The following USP42 variants were observed in gnomAD, a reference collection of about 807,000 sequenced individuals.
USP42 encodes the protein ubiquitin specific peptidase 42.
USP42 carries 23 observed loss-of-function variants against 113.0 expected under a neutral mutation model. That is an observed-to-expected ratio of 0.20 (90% CI 0.15 to 0.29). The LOEUF is 0.29. USP42 is among the 10% of genes least tolerant of loss of function. The pLI, the probability that USP42 is intolerant of heterozygous loss-of-function variation, is 1.00. For synonymous variants in USP42, 933 were observed against 699.0 expected (o/e 1.33, Z -5.28); for missense variants, 2,174 against 1,779.8 (o/e 1.22, Z -3.99).
intron 3 of USP42, among the ~76,000 whole-genome samples, chr7:6,121,626 C>T (rs538717420): frequency 2.0e-5 from 3 of 152,256 alleles, no homozygotes; most frequent in African/African-American, 7.2e-5. Context: ...CTGGACCTTG[C>T]AGTTTCTCAT....
At chr7:6,137,172 G>C (rs1281215969) in intron 4 of USP42, among the ~76,000 whole-genome samples, 4 of 152,168 alleles carry the variant, frequency 2.6e-5, no homozygotes, top group African/African-American at 9.7e-5. Context: ...ATAGGGATGT[G>C]TAATTATACA....
At chr7:6,121,778 C>T (rs1407535079) in intron 3 of USP42, among the ~76,000 whole-genome samples, 3 of 152,206 alleles carry the variant, frequency 2.0e-5, no homozygotes, top group Non-Finnish European at 4.4e-5. Context: ...AGTGCTCCCA[C>T]CTCAGCTTCC....
chr7:6,153,520 C>T (rs1249025771), intron 14 of USP42, among the ~76,000 whole-genome samples: 2 of 151,982 alleles, frequency 1.3e-5, no homozygotes, highest in Non-Finnish European at 2.9e-5. Context: ...TTTAAAGAGA[C>T]GAAATAGCTG....
At chr7:6,132,078 G>A (rs1360567642) in intron 3 of USP42, among the ~76,000 whole-genome samples, 1 of 152,082 alleles carries the variant, frequency 6.6e-6, no homozygotes, top group Non-Finnish European at 1.5e-5. Context: ...GACTACAGGC[G>A]TTCACCACCA....
At chr7:6,105,294 C>G (rs1176462841) in intron 1 of USP42, among the ~76,000 whole-genome samples, 1 of 146,924 alleles carries the variant, frequency 6.8e-6, no homozygotes, top group Non-Finnish European at 1.5e-5. Flanking sequence ...CCGGGGTAGC[C>G]GGGCTGCGCG....
intron 2 of USP42, among the ~76,000 whole-genome samples, chr7:6,114,485 C>A (rs1401345385): frequency 1.3e-5 from 2 of 151,512 alleles, no homozygotes; most frequent in Admixed American, 6.6e-5. Flanking sequence ...TCCAATACTT[C>A]ATCTTTCACT....
chr7:6,113,242 C>A (rs187264236), intron 2 of USP42, among the ~76,000 whole-genome samples: 2 of 152,138 alleles, frequency 1.3e-5, no homozygotes, highest in South Asian at 2.1e-4. Context: ...TGCAGTTTGG[C>A]TTGCTGAAGG....
In USP42 at chr7:6,154,553, C is replaced by G; in HGVS notation, c.2999C>G (p.Pro1000Arg). The change falls in exon 15 of 18, where the codon CCC becomes CGC. Residue 1000 changes from proline to arginine, a missense_variant. Coordinates refer to ENST00000306177, the MANE Select transcript of USP42 (RefSeq NM_032172.3). The stretch of plus-strand genomic sequence containing the variant: ...GACCGCCACGCCCCGGAGCACCACC[C>G]CGGCCACGGCGACAGGCTCAGCCCT... ...RQDRHAPEHH[P>R]GHGDRLSPGE... 1.3e-6 allele frequency: 2 copies of G among 1,548,322 alleles called. No homozygotes were observed. Among genetic ancestry groups the G allele is most frequent in the East Asian group, 4.9e-5 (2 of 40,906 alleles).
chr7:6,143,965 C>T (rs943194760), intron 8 of USP42, 120 bp from the exon 9 acceptor site: 2 of 555,122 alleles, frequency 3.6e-6, no homozygotes, highest in Non-Finnish European at 3.0e-6. Context: ...GGTTCTCATC[C>T]AGTGTCCTTT....
chr7:6,096,824 C>G, the USP42 span, among the ~76,000 whole-genome samples: 1 of 151,338 alleles, frequency 6.6e-6, no homozygotes, highest in African/African-American at 2.5e-5. Context: ...ATCTGCTACT[C>G]TGGCTTGCTG....
chr7:6,150,645 T>C, intron 14 of USP42, 139 bp downstream of exon 14: 2 of 820,798 alleles, frequency 2.4e-6, no homozygotes, highest in South Asian at 1.8e-5. Flanking sequence ...TTATAATGTA[T>C]AGGATTTATT....
In USP42 at chr7:6,149,630, C is replaced by G. The variant is rs1432187169; in HGVS notation, c.1434C>G (p.Ser478Arg). ...NGTGPLKDTP[S>R]SSMSSPNGNS... ...CTGGACCATTGAAAGACACGCCAAG[C>G]AGTTCCATGTCGAGTCCTAACGGGA... The change falls in exon 13 of 18, where the codon AGC becomes AGG. Residue 478 changes from serine to arginine, a missense_variant. By Grantham distance (110) the Ser-to-Arg change is moderately radical. Transcript: ENST00000306177. 2 of 1,613,834 alleles carry G rather than the reference C, an allele frequency of 1.2e-6. No individual in the cohort carries two copies. Among genetic ancestry groups the G allele is most frequent in the Non-Finnish European group, 1.7e-6 (2 of 1,179,892 alleles).
chr7:6,152,581 C>T (rs1475987290), intron 14 of USP42, among the ~76,000 whole-genome samples: 4 of 152,142 alleles, frequency 2.6e-5, no homozygotes, highest in African/African-American at 9.7e-5. Flanking sequence ...ACCCTGTGGG[C>T]AGGGAACACT....
chr7:6,097,648 T>A, the USP42 span, among the ~76,000 whole-genome samples: 2 of 150,202 alleles, frequency 1.3e-5, no homozygotes, highest in African/African-American at 5.0e-5. Flanking sequence ...TGGAGTGCAG[T>A]GGCACAATCT....
At chr7:6,137,570 C>T (rs1583641779) in intron 4 of USP42, among the ~76,000 whole-genome samples, 1 of 152,172 alleles carries the variant, frequency 6.6e-6, no homozygotes, top group African/African-American at 2.4e-5. Flanking sequence ...GTTGGCCAGG[C>T]TGGCCTTGAA....
At chr7:6,137,673 T>C (rs1781220308) in intron 4 of USP42, among the ~76,000 whole-genome samples, 1 of 151,764 alleles carries the variant, frequency 6.6e-6, no homozygotes, top group South Asian at 2.1e-4. Context: ...TACATGTATT[T>C]ATTTGTTTTT....
At chr7:6,096,567 G>A in the USP42 span, among the ~76,000 whole-genome samples, 1 of 151,288 alleles carries the variant, frequency 6.6e-6, no homozygotes, top group Non-Finnish European at 1.5e-5. Context: ...GTCAGGAGCT[G>A]GTTTAAACTA....
chr7:6,140,455 C>T (rs2128504762), intron 6 of USP42, among the ~76,000 whole-genome samples: 1 of 152,146 alleles, frequency 6.6e-6, no homozygotes, highest in African/African-American at 2.4e-5. Context: ...TTTTACATTT[C>T]AGCACACAGG....
chr7:6,152,406 G>A (rs966761513), intron 14 of USP42, among the ~76,000 whole-genome samples: 5 of 152,352 alleles, frequency 3.3e-5, no homozygotes, highest in South Asian at 2.1e-4. Context: ...TGACACACCC[G>A]TAGTTTTTAC....
Sources: allele counts gnomAD v4.1 joint callset (sites outside exome capture counted in the v4.1 genomes callset), GRCh38; gene constraint gnomAD v4.1.1; transcripts MANE v1.5; gene names NCBI Gene and HGNC (gene_info 2026-07-23, HGNC 2026-07-21).